Variants in CPEB1 observed in about 807,000 individuals in gnomAD.
The protein encoded by CPEB1 is cytoplasmic polyadenylation element-binding protein 1.
A neutral mutation model predicts 65.8 loss-of-function variants in CPEB1; 7 were observed. That is an observed-to-expected ratio of 0.11 (90% CI 0.06 to 0.20). The LOEUF (loss-of-function observed/expected upper bound fraction) is 0.20. Among genes scored for constraint, CPEB1 ranks in the 10% least tolerant of loss-of-function variants. The probability of loss-of-function intolerance (pLI) is 1.00; values close to 1 mark genes in which losing one functional copy is unlikely to be tolerated. For synonymous variants in CPEB1, 262 were observed against 260.0 expected, an observed-to-expected ratio of 1.01 and a Z score of -0.08; for missense variants, 551 against 712.2, an observed-to-expected ratio of 0.77 and a Z score of 2.58.
intron 3 of CPEB1, among the ~76,000 whole-genome samples, chr15:82,580,096 C>T (rs1200484962): frequency 1.3e-5 from 2 of 150,188 alleles, no homozygotes; most frequent in African/African-American, 2.4e-5. Flanking sequence ...CCAAGGCAGG[C>T]GGATAATGAG....
At chr15:82,585,886 T>C (rs1482684779) in intron 3 of CPEB1, among the ~76,000 whole-genome samples, 1 of 151,980 alleles carries the variant, frequency 6.6e-6, no homozygotes, top group African/African-American at 2.4e-5. Flanking sequence ...TCTGCCAATA[T>C]GATAGGTTAA....
intron 4 of CPEB1, among the ~76,000 whole-genome samples, chr15:82,564,746 T>G (rs1567182863): frequency 6.6e-6 from 1 of 152,074 alleles, no homozygotes; most frequent in Admixed American, 6.5e-5. Flanking sequence ...TCTCAATTTC[T>G]TCAAAGAGAA....
At chr15:82,567,796 C>A (rs1425331553) in intron 4 of CPEB1, among the ~76,000 whole-genome samples, 1 of 152,156 alleles carries the variant, frequency 6.6e-6, no homozygotes, top group African/African-American at 2.4e-5. Context: ...TTAAGAGAGT[C>A]CTTGTTTCCA....
rs60065545 is a variant in CPEB1 at position 82,610,958 on chromosome 15, CAAAAAAAAAAAAAAAAAAA to C, written c.271+16216_271+16234del. On this transcript the variant is annotated intron_variant, in intron 3 of 12. Transcript: ENST00000684509. ...TGGGGACAGAGTGAGACTCCAGTCT[CAAAAAAAAAAAAAAAAAAA>C]AAAAAAAAAAAGAAAAAAAGAAAAA... Among the ~76,000 whole-genome samples, 17 of 30,020 alleles carry C rather than the reference CAAAAAAAAAAAAAAAAAAA, an allele frequency of 5.7e-4. No homozygotes were observed. In the South Asian group the frequency reaches 0.031, roughly 54 times the overall value. 19.7% of individuals were successfully genotyped at this position (30,020 alleles called of 152,430 possible).
intron 3 of CPEB1, among the ~76,000 whole-genome samples, chr15:82,596,528 T>C (rs2042676245): frequency 1.3e-5 from 2 of 151,498 alleles, no homozygotes; most frequent in Admixed American, 1.3e-4. Flanking sequence ...CAAAACCCCG[T>C]CTCTACTAAA....
At chr15:82,561,179 T>G (rs1216862026) in intron 4 of CPEB1, among the ~76,000 whole-genome samples, 1 of 152,166 alleles carries the variant, frequency 6.6e-6, no homozygotes, top group Non-Finnish European at 1.5e-5. Context: ...GTGGCTGACT[T>G]AGAATGTGAG....
intron 3 of CPEB1, among the ~76,000 whole-genome samples, chr15:82,598,676 T>C (rs1194723218): frequency 2.0e-5 from 3 of 152,064 alleles, no homozygotes; most frequent in African/African-American, 7.2e-5. Flanking sequence ...TCCCAACTAC[T>C]TGGGAGGCTG....
At chr15:82,623,135 G>C (rs1160484680) in intron 3 of CPEB1, among the ~76,000 whole-genome samples, 1 of 152,168 alleles carries the variant, frequency 6.6e-6, no homozygotes, top group African/African-American at 2.4e-5. Context: ...TCAACATCCA[G>C]TTAAGACTAA....
intron 3 of CPEB1, among the ~76,000 whole-genome samples, chr15:82,586,858 G>T (rs942080504): frequency 6.6e-6 from 1 of 152,198 alleles, no homozygotes; most frequent in Non-Finnish European, 1.5e-5. Context: ...AAAGTTGCTA[G>T]TAAGGATGTC....
intron 3 of CPEB1, among the ~76,000 whole-genome samples, chr15:82,598,445 G>A (rs977667777): frequency 6.6e-6 from 1 of 152,034 alleles, no homozygotes; most frequent in South Asian, 2.1e-4. Flanking sequence ...AGTGAGCTGA[G>A]ATTGCACCAC....
At chr15:82,631,435 C>G (rs2046236923) in intron 1 of CPEB1, among the ~76,000 whole-genome samples, 1 of 151,552 alleles carries the variant, frequency 6.6e-6, no homozygotes, top group Non-Finnish European at 1.5e-5. Context: ...AAAAAAAAAT[C>G]AAAGCCAGGA....
chr15:82,635,536 G>A lies in CPEB1; in HGVS notation c.-97-6980C>T, dbSNP rs140875387. 1.4e-3 allele frequency among the ~76,000 whole-genome samples: 218 copies of A among 152,308 alleles called. 1 individual carries two copies. The highest frequency in any genetic ancestry group is 2.2e-3 in the Admixed American group (33 of 15,296). On this transcript the variant is annotated intron_variant, in intron 1 of 12. Coordinates refer to ENST00000684509, the MANE Select transcript of CPEB1 (RefSeq NM_001365242.1). ...AAAAATTTATCAGGTTGGTCCATATGAAATTGTCAGTATTTTACCTTTTTC... is the reference window on the plus strand; with the variant it reads ...AAAAATTTATCAGGTTGGTCCATATAAAATTGTCAGTATTTTACCTTTTTC...
At chr15:82,548,239 GC>G (rs1485775733) in intron 10 of CPEB1, among the ~76,000 whole-genome samples, 1 of 152,042 alleles carries the variant, frequency 6.6e-6, no homozygotes, top group Non-Finnish European at 1.5e-5. Flanking sequence ...GGAGGCTGAG[GC>G]AGGAGAATCA....
intron 3 of CPEB1, among the ~76,000 whole-genome samples, chr15:82,621,439 T>C (rs925065467): frequency 6.6e-6 from 1 of 151,822 alleles, no homozygotes; most frequent in Non-Finnish European, 1.5e-5. Context: ...CTGACCAATA[T>C]GGAGAAACCC....
At chr15:82,605,413 G>A (rs948078058) in intron 3 of CPEB1, among the ~76,000 whole-genome samples, 2 of 152,070 alleles carry the variant, frequency 1.3e-5, no homozygotes, top group Admixed American at 6.6e-5. Context: ...GAAGGTATTG[G>A]TAAAAGGGTA....
rs2034816724 is a variant in CPEB1, at chr15:82,544,483, C to G, written c.*109G>C. ...AGTGCAAAGGTGACTACAATTTTCC[C>G]TTGTCCTTGGGAAGCCAGCTCCCTG... On this transcript the variant is annotated 3_prime_UTR_variant, in exon 13 of 13. Transcript: ENST00000684509. 7.0e-6 allele frequency: 5 copies of G among 717,182 alleles called. No homozygotes were observed. In the Admixed American group the frequency reaches 1.4e-4, roughly 19 times the overall value. The allele number at this position is 717,182 out of a possible 1,614,324, so 44.4% of individuals were successfully genotyped here.
At chr15:82,627,541 C>T (rs973808806) in intron 2 of CPEB1, among the ~76,000 whole-genome samples, 174 bp from the exon 3 acceptor site, 1 of 151,988 alleles carries the variant, frequency 6.6e-6, no homozygotes, top group African/African-American at 2.4e-5. Flanking sequence ...GAAAAAAATA[C>T]CAAAATATTC....
Position 82,647,305 on chromosome 15 carries a change from G to C in CPEB1, c.-266C>G, listed in dbSNP as rs1489168928. 1 of 152,386 alleles carries C rather than the reference G, an allele frequency of 6.6e-6. No individual in the cohort carries two copies. The highest frequency in any genetic ancestry group is 2.1e-4 in the South Asian group (1 of 4,838). The allele number at this position is 152,386 out of a possible 1,614,324, so 9.4% of individuals were successfully genotyped here. A position where few individuals can be genotyped will look rare whatever the true frequency, so the allele number is the denominator to read the frequency against. On this transcript the variant is annotated 5_prime_UTR_variant, in exon 1 of 13. Transcript: ENST00000684509. ...GATTGGGAAGCCGCACGAGGGGCTT[G>C]AGCCCTCCACCTTAAAGGTGCCGCG... is the stretch of plus-strand genomic sequence containing the variant.
At chr15:82,628,693 T>C in intron 1 of CPEB1, 137 bp from the exon 2 acceptor site, 2 of 493,724 alleles carry the variant, frequency 4.1e-6, no homozygotes, top group Non-Finnish European at 7.2e-6. Flanking sequence ...CCGCTCCACA[T>C]CCTTCCACCT....
Sources: gnomAD v4.1 joint callset for allele counts (sites outside exome capture counted in the v4.1 genomes callset) on GRCh38, gnomAD v4.1.1 for gene constraint, MANE v1.5 for transcripts, NCBI Gene and HGNC (gene_info 2026-07-23, HGNC 2026-07-21) for gene names.